CSMD1: variants seen among roughly 807,000 people sequenced by gnomAD.
CSMD1 encodes the protein CUB and Sushi multiple domains 1, also known as CUB and sushi domain-containing protein 1.
In CSMD1, 213 loss-of-function variants were observed where a neutral mutation model predicts 417.5. That is an observed-to-expected ratio of 0.51 (90% confidence interval 0.46 to 0.57). CSMD1 has a LOEUF of 0.57. CSMD1 is among the 20% of genes least tolerant of loss of function. CSMD1 has a pLI of 0.00. For synonymous variants in CSMD1, 2,862 were observed against 1,736.8 expected (o/e 1.65, Z -16.11); for missense variants, 6,923 against 4,529.7 (o/e 1.53, Z -15.17).
intron 5 of CSMD1, among the ~76,000 whole-genome samples, chr8:3,827,306 A>C (rs534059397): frequency 2.0e-5 from 3 of 152,330 alleles, no homozygotes; most frequent in African/African-American, 7.2e-5. Flanking sequence ...GTTAGAGTCA[A>C]AGGCTCTATA....
At chr8:3,003,256 T>A (rs1234947224) in intron 52 of CSMD1, among the ~76,000 whole-genome samples, 1 of 152,220 alleles carries the variant, frequency 6.6e-6, no homozygotes, top group Non-Finnish European at 1.5e-5. Context: ...CAATGAATTT[T>A]GAGCTCTATT....
intron 1 of CSMD1, among the ~76,000 whole-genome samples, chr8:4,754,684 C>T (rs1214899641): frequency 6.6e-6 from 1 of 151,838 alleles, no homozygotes; most frequent in Non-Finnish European, 1.5e-5. Flanking sequence ...ACCCTGTCTA[C>T]TAAAAATACA....
intron 5 of CSMD1, among the ~76,000 whole-genome samples, chr8:3,855,993 A>G (rs1297945445): frequency 2.0e-5 from 3 of 151,550 alleles, no homozygotes; most frequent in African/African-American, 7.3e-5. Context: ...GTATTAATCA[A>G]TTTTTTTTTG....
At chr8:4,475,743 G>C (rs1158233984) in intron 2 of CSMD1, among the ~76,000 whole-genome samples, 3 of 152,050 alleles carry the variant, frequency 2.0e-5, no homozygotes, top group Non-Finnish European at 2.9e-5. Context: ...CTCCCGAGTA[G>C]CTGGGATTAC....
intron 1 of CSMD1, chr8:4,788,415 C>A (rs1316343708): frequency 9.0e-6 from 12 of 1,338,552 alleles, no homozygotes; most frequent in Non-Finnish European, 1.3e-5. Flanking sequence ...TCTTTGACTA[C>A]CCAGGGTCTT....
intron 6 of CSMD1, among the ~76,000 whole-genome samples, chr8:3,749,418 C>T (rs937068234): frequency 6.6e-6 from 1 of 152,040 alleles, no homozygotes; most frequent in Non-Finnish European, 1.5e-5. Context: ...TGTCAAGCAA[C>T]CTTACTACTG....
chr8:3,903,041 G>A (rs1169648425), intron 5 of CSMD1, among the ~76,000 whole-genome samples: 1 of 152,146 alleles, frequency 6.6e-6, no homozygotes, highest in African/African-American at 2.4e-5. Flanking sequence ...AAAGTAGCGT[G>A]TAGCTGACCA....
At chr8:4,678,744 A>C (rs1205211366) in intron 1 of CSMD1, among the ~76,000 whole-genome samples, 1 of 152,204 alleles carries the variant, frequency 6.6e-6, no homozygotes, top group Non-Finnish European at 1.5e-5. Context: ...CTAATTTCAA[A>C]ATAAATATCT....
chr8:3,363,114 CT>C (rs1563312312), intron 20 of CSMD1, among the ~76,000 whole-genome samples: 14 of 152,304 alleles, frequency 9.2e-5, no homozygotes, highest in Non-Finnish European at 1.9e-4. Context: ...AACTTGGTGT[CT>C]TGGTCCTCCC....
intron 1 of CSMD1, among the ~76,000 whole-genome samples, chr8:4,792,339 A>T (rs1382586009): frequency 6.6e-6 from 1 of 152,232 alleles, no homozygotes; most frequent in African/African-American, 2.4e-5. Flanking sequence ...GTCCAGTAGC[A>T]AGAAGGAATT....
intron 3 of CSMD1, among the ~76,000 whole-genome samples, chr8:4,154,282 T>C (rs1287924785): frequency 6.6e-6 from 1 of 152,124 alleles, no homozygotes; most frequent in Non-Finnish European, 1.5e-5. Context: ...AATAAATAAA[T>C]AAATAAGATG....
chr8:4,242,886 T>C (rs1467533010), intron 3 of CSMD1, among the ~76,000 whole-genome samples: 3 of 152,174 alleles, frequency 2.0e-5, no homozygotes, highest in African/African-American at 7.2e-5. Flanking sequence ...AATATTAAAG[T>C]CATTAAAATG....
At chr8:3,355,389 G>A (rs544960578) in intron 21 of CSMD1, among the ~76,000 whole-genome samples, 6 of 152,048 alleles carry the variant, frequency 3.9e-5, no homozygotes, top group Non-Finnish European at 7.4e-5. Flanking sequence ...CTGATCTTTT[G>A]ACCAAAATGT....
intron 1 of CSMD1, among the ~76,000 whole-genome samples, chr8:4,731,422 GA>G (rs1448695421): frequency 2.0e-5 from 3 of 152,124 alleles, no homozygotes; most frequent in Non-Finnish European, 2.9e-5. Context: ...TTCCGTATTG[GA>G]GTATCTTGGT....
chr8:4,460,102 A>C (rs1799721804), intron 2 of CSMD1, among the ~76,000 whole-genome samples: 1 of 152,188 alleles, frequency 6.6e-6, no homozygotes, highest in Admixed American at 6.5e-5. Flanking sequence ...ACAACAGAGC[A>C]TATGCCATGC....
At chr8:3,351,351 C>T (rs1448626461) in intron 21 of CSMD1, among the ~76,000 whole-genome samples, 1 of 151,980 alleles carries the variant, frequency 6.6e-6, no homozygotes, top group Non-Finnish European at 1.5e-5. Context: ...TGACCCATGC[C>T]TGTAATCCCA....
At chr8:4,699,878 GT>G (rs1408335920) in intron 1 of CSMD1, among the ~76,000 whole-genome samples, 1 of 152,168 alleles carries the variant, frequency 6.6e-6, no homozygotes, top group Non-Finnish European at 1.5e-5. Context: ...AAGAGACAAA[GT>G]TTTTCAGATA....
chr8:3,805,672 G>A (rs950492155), intron 5 of CSMD1, among the ~76,000 whole-genome samples: 2 of 152,090 alleles, frequency 1.3e-5, no homozygotes, highest in Non-Finnish European at 2.9e-5. Flanking sequence ...GTATTTGATT[G>A]TACTACTGTA....
intron 3 of CSMD1, among the ~76,000 whole-genome samples, chr8:4,257,665 C>G (rs1439653312): frequency 2.0e-5 from 3 of 152,184 alleles, no homozygotes; most frequent in Admixed American, 2.0e-4. Flanking sequence ...CAGCATAGGT[C>G]TCAGGGTGCA....
Sources: gnomAD v4.1 joint callset for allele counts (sites outside exome capture counted in the v4.1 genomes callset) on GRCh38, gnomAD v4.1.1 for gene constraint, MANE v1.5 for transcripts, NCBI Gene and HGNC (gene_info 2026-07-23, HGNC 2026-07-21) for gene names.